ANKRD26: variants seen among roughly 807,000 people sequenced by gnomAD.
The protein encoded by ANKRD26 is ankyrin repeat domain-containing protein 26.
ANKRD26 carries 141 observed loss-of-function variants against 208.7 expected under a neutral mutation model. The observed-to-expected ratio is 0.68, with a 90% CI of 0.59 to 0.78. The LOEUF is 0.78. Among genes scored for constraint, ANKRD26 ranks in the 30% least tolerant of loss-of-function variants. ANKRD26 has a pLI of 0.00. For missense variants in ANKRD26, 1,889 were observed against 1,938.7 expected (o/e 0.97, Z 0.48); for synonymous variants, 636 against 660.4 (o/e 0.96, Z 0.57).
intron 27 of ANKRD26, 150 bp downstream of exon 27, chr10:27,028,702 T>C: frequency 1.5e-6 from 1 of 656,510 alleles, no homozygotes; most frequent in Non-Finnish European, 2.7e-6. Context: ...AGATATCTCA[T>C]TATGTATGTA....
At chr10:26,947,879 T>C in the ANKRD26 span, among the ~76,000 whole-genome samples, 1 of 152,242 alleles carries the variant, frequency 6.6e-6, no homozygotes, top group African/African-American at 2.4e-5. Flanking sequence ...TTCTGTGCAA[T>C]AATAACAATT....
chr10:26,972,052 G>C (rs11015438), downstream of ANKRD26, among the ~76,000 whole-genome samples: 11 of 151,940 alleles, frequency 7.2e-5, no homozygotes, highest in Non-Finnish European at 1.3e-4. Context: ...TGGCTAACAC[G>C]GTGAAACCCC....
intron 6 of ANKRD26, among the ~76,000 whole-genome samples, chr10:27,079,496 T>G (rs2055825036): frequency 6.6e-6 from 1 of 152,200 alleles, no homozygotes; most frequent in Non-Finnish European, 1.5e-5. Context: ...AAGGCTGAAC[T>G]GAAAATCCAA....
chr10:27,055,486 A>G (rs545810856), intron 15 of ANKRD26, among the ~76,000 whole-genome samples: 1 of 152,302 alleles, frequency 6.6e-6, no homozygotes, highest in Non-Finnish European at 1.5e-5. Context: ...CTATTGGGAT[A>G]AAAAAATTAT....
chr10:26,963,802 T>A, the ANKRD26 span, among the ~76,000 whole-genome samples: 1 of 152,072 alleles, frequency 6.6e-6, no homozygotes, highest in East Asian at 1.9e-4. Context: ...TACAATGTAT[T>A]TACATTGTAG....
At chr10:27,018,141 A>ATTTT (rs11346457) in intron 29 of ANKRD26, among the ~76,000 whole-genome samples, 2,061 of 131,128 alleles carry the variant, frequency 0.016, 111 homozygotes, top group East Asian at 0.14. Flanking sequence ...ATGCCCTATA[A>ATTTT]TTTTTTTTTT....
intron 6 of ANKRD26, among the ~76,000 whole-genome samples, chr10:27,081,880 G>A (rs1459032023): frequency 1.3e-5 from 2 of 151,914 alleles, no homozygotes; most frequent in East Asian, 1.9e-4. Flanking sequence ...GGGACTATAG[G>A]CGTGCGCCAC....
intron 5 of ANKRD26, among the ~76,000 whole-genome samples, chr10:26,992,707 AATT>A (rs1207098394): frequency 6.6e-6 from 1 of 152,024 alleles, no homozygotes; most frequent in African/African-American, 2.4e-5. Context: ...GCAGAACACT[AATT>A]ATTATTATTA....
Position 27,086,542 on chromosome 10 carries a change from A to T in ANKRD26, c.706T>A (p.Ser236Thr), listed in dbSNP as rs755464327. 6.2e-7 allele frequency: 1 copy of T among 1,605,872 alleles called. No individual in the cohort carries two copies. Among genetic ancestry groups the T allele is most frequent in the Non-Finnish European group, 8.5e-7 (1 of 1,175,108 alleles). Residue 236 changes from serine to threonine, a missense_variant, in exon 5 of 34, where the codon TCA becomes ACA. Transcript: ENST00000376087. ...IPKHSSQNSNSVDESSEDSLS... is the reference protein window; with the variant it reads ...IPKHSSQNSNTVDESSEDSLS... ...AATTCACTATTGGAAGTCTTACCTGAATTACTATTTTGAGAAGAATGTTTA... is the reference window on the plus strand; with the variant it reads ...AATTCACTATTGGAAGTCTTACCTGTATTACTATTTTGAGAAGAATGTTTA...
chr10:26,971,999 G>A (rs1022612518), downstream of ANKRD26, among the ~76,000 whole-genome samples: 1 of 152,244 alleles, frequency 6.6e-6, no homozygotes, highest in South Asian at 2.1e-4. Flanking sequence ...ACTTTGGGAG[G>A]CCAAGGTGGG....
At chr10:27,037,154 T>A (rs775680697) in intron 23 of ANKRD26, 32 bp downstream of exon 23, 2 of 1,604,132 alleles carry the variant, frequency 1.2e-6, no homozygotes, top group Non-Finnish European at 1.7e-6. Flanking sequence ...TATACACACA[T>A]ATTTGAAAAT....
chr10:27,035,984 C>G lies in ANKRD26; in HGVS notation c.2698-232G>C, dbSNP rs993943342. ...ATCCATGAAAGTAAAAAAGAAACCA[C>G]TAGAAAATTTTTAAGAATCACAGAA... On this transcript the variant is annotated intron_variant, in intron 23 of 33. Transcript: ENST00000376087. 4.0e-5 allele frequency among the ~76,000 whole-genome samples: 6 copies of G among 151,808 alleles called. 1 individual carries two copies. Among genetic ancestry groups the G allele is most frequent in the African/African-American group, 1.2e-4 (5 of 41,356 alleles).
the ANKRD26 span, among the ~76,000 whole-genome samples, chr10:26,951,894 A>C: frequency 1.3e-5 from 2 of 152,236 alleles, no homozygotes; most frequent in African/African-American, 2.4e-5. Flanking sequence ...GTAATAAACA[A>C]CTTGCCTGCA....
intron 16 of ANKRD26, chr10:27,051,208 T>C: frequency 7.8e-7 from 1 of 1,289,898 alleles, no homozygotes; most frequent in Non-Finnish European, 1.0e-6. Flanking sequence ...GGAGAAGACC[T>C]CACATTTTCT....
intron 15 of ANKRD26, among the ~76,000 whole-genome samples, chr10:27,057,891 C>T (rs747035828): frequency 1.3e-5 from 2 of 150,208 alleles, no homozygotes; most frequent in African/African-American, 2.5e-5. Flanking sequence ...GAGCCGAGAT[C>T]GTGCCACCGC....
the ANKRD26 span, among the ~76,000 whole-genome samples, chr10:26,954,785 G>A: frequency 6.6e-6 from 1 of 152,028 alleles, no homozygotes; most frequent in Non-Finnish European, 1.5e-5. Context: ...AGAATCTAAA[G>A]CATGTTCAAA....
At chr10:27,002,859 C>T (rs151171182), downstream of ANKRD26, among the ~76,000 whole-genome samples, 743 of 152,266 alleles carry the variant, frequency 4.9e-3, 9 homozygotes, top group African/African-American at 0.017. Flanking sequence ...TTTAACACAG[C>T]ACCACCACTA....
chr10:26,998,964 G>C (rs1399050100), intron 4 of ANKRD26, among the ~76,000 whole-genome samples: 1 of 152,118 alleles, frequency 6.6e-6, no homozygotes, highest in African/African-American at 2.4e-5. Context: ...CGTGGAGGTG[G>C]GGGAGGCACC....
At chr10:27,097,319 C>CA (rs11347521) in intron 1 of ANKRD26, among the ~76,000 whole-genome samples, 15,722 of 141,806 alleles carry the variant, frequency 0.11, 2,763 homozygotes, top group African/African-American at 0.38. Context: ...ACTAGAAATA[C>CA]AAAAAAAAAA....
Sources: allele counts gnomAD v4.1 joint callset (sites outside exome capture counted in the v4.1 genomes callset), GRCh38; gene constraint gnomAD v4.1.1; transcripts MANE v1.5; gene names NCBI Gene and HGNC (gene_info 2026-07-23, HGNC 2026-07-21).